SCN8A: variants seen among roughly 807,000 people sequenced by gnomAD.
The protein encoded by SCN8A is sodium channel protein type 8 subunit alpha.
A neutral mutation model predicts 184.1 loss-of-function variants in SCN8A; 30 were observed. That is an observed-to-expected ratio of 0.16 (90% CI 0.12 to 0.22). The LOEUF (loss-of-function observed/expected upper bound fraction) is 0.22, where lower values mean the gene tolerates loss of function less well. Among genes scored for constraint, SCN8A ranks in the 10% least tolerant of loss-of-function variants. The probability of loss-of-function intolerance (pLI) is 1.00; values close to 1 mark genes in which losing one functional copy is unlikely to be tolerated. For missense variants in SCN8A, 1,057 were observed against 2,498.9 expected, an observed-to-expected ratio of 0.42 and a Z score of 12.30; for synonymous variants, 852 against 907.0, an observed-to-expected ratio of 0.94 and a Z score of 1.09.
chr12:51,628,976 G>A (rs1006124900), intron 1 of SCN8A, among the ~76,000 whole-genome samples: 10 of 152,160 alleles, frequency 6.6e-5, no homozygotes, highest in South Asian at 4.1e-4. Context: ...GTTTCTGAAA[G>A]TCTGTCTGGT....
intron 6 of SCN8A, among the ~76,000 whole-genome samples, chr12:51,690,871 C>T (rs558061899): frequency 8.3e-4 from 127 of 152,218 alleles, no homozygotes; most frequent in African/African-American, 2.9e-3. Flanking sequence ...ATATTTTTAG[C>T]GATGGTAGCT....
chr12:51,652,587 T>G (rs374897877), intron 1 of SCN8A, among the ~76,000 whole-genome samples: 3 of 152,206 alleles, frequency 2.0e-5, no homozygotes, highest in African/African-American at 7.2e-5. Flanking sequence ...GAAATCCACT[T>G]ACACTGAACT....
chr12:51,606,407 A>C (rs142216711), intron 1 of SCN8A, among the ~76,000 whole-genome samples: 1 of 152,008 alleles, frequency 6.6e-6, no homozygotes, highest in African/African-American at 2.4e-5. Context: ...TAAGTATTTG[A>C]GTTTACTTCT....
rs373717395 is a variant in SCN8A at position 51,696,867 on chromosome 12, C to T, written c.707-2703C>T. 3.1e-4 allele frequency among the ~76,000 whole-genome samples: 46 copies of T among 150,686 alleles called. No individual in the cohort carries two copies. In the East Asian group the frequency reaches 7.0e-3, roughly 23 times the overall value. On this transcript the variant is annotated intron_variant, in intron 6 of 26. Coordinates refer to ENST00000627620, the MANE Select transcript of SCN8A (RefSeq NM_001330260.2). ...CCAATATAGTGAAACCCCATCTCTGCTAAAAAAAAAAAATACAAAATTTAG... is the reference window on the plus strand; with the variant it reads ...CCAATATAGTGAAACCCCATCTCTGTTAAAAAAAAAAAATACAAAATTTAG...
intron 5 of SCN8A, among the ~76,000 whole-genome samples, chr12:51,687,736 G>A (rs985561767): frequency 5.9e-5 from 9 of 152,114 alleles, no homozygotes; most frequent in African/African-American, 1.4e-4. Flanking sequence ...CCAGAATTTC[G>A]AACTATTGCT....
intron 12 of SCN8A, among the ~76,000 whole-genome samples, chr12:51,724,957 A>C (rs1592408591): frequency 6.6e-6 from 1 of 152,302 alleles, no homozygotes; most frequent in East Asian, 1.9e-4. Flanking sequence ...ACTGCTTTAC[A>C]CTGTGGTCTA....
At chr12:51,678,826 C>G (rs1460629196) in intron 2 of SCN8A, among the ~76,000 whole-genome samples, 1 of 152,148 alleles carries the variant, frequency 6.6e-6, no homozygotes, top group Non-Finnish European at 1.5e-5. Flanking sequence ...GCCTGTAATC[C>G]CAGCACTTTG....
intron 2 of SCN8A, among the ~76,000 whole-genome samples, chr12:51,679,748 C>T (rs1384759920): frequency 3.6e-5 from 3 of 82,314 alleles, no homozygotes; most frequent in Non-Finnish European, 6.3e-5. Flanking sequence ...TTTTTTGAGA[C>T]GGAGTCTCGC....
chr12:51,675,064 C>T (rs1277067019), intron 2 of SCN8A, among the ~76,000 whole-genome samples: 1 of 152,272 alleles, frequency 6.6e-6, no homozygotes, highest in Non-Finnish European at 1.5e-5. Flanking sequence ...CATAATAAGC[C>T]TGCATTTTGC....
At chr12:51,795,721 A>G (rs1413600673) in intron 26 of SCN8A, among the ~76,000 whole-genome samples, 1 of 152,208 alleles carries the variant, frequency 6.6e-6, no homozygotes, top group Non-Finnish European at 1.5e-5. Flanking sequence ...TTCACAGTGC[A>G]CATTACTGAA....
At chr12:51,747,127 G>A (rs1942524865) in intron 13 of SCN8A, among the ~76,000 whole-genome samples, 1 of 151,396 alleles carries the variant, frequency 6.6e-6, no homozygotes, top group Non-Finnish European at 1.5e-5. Flanking sequence ...GTGTGTGTGT[G>A]TGTGTTGGGG....
chr12:51,681,582 A>G (rs1187245568), intron 2 of SCN8A, among the ~76,000 whole-genome samples: 1 of 152,238 alleles, frequency 6.6e-6, no homozygotes, highest in Non-Finnish European at 1.5e-5. Context: ...GATATGTTTC[A>G]GATGAACCCT....
At chr12:51,771,869 A>G (rs948463521) in intron 19 of SCN8A, among the ~76,000 whole-genome samples, 5 of 152,226 alleles carry the variant, frequency 3.3e-5, no homozygotes, top group Non-Finnish European at 7.3e-5. Context: ...GCGTTTTATT[A>G]TTGCTGTCAT....
At chr12:51,792,669 A>G (rs59688644) in intron 25 of SCN8A, among the ~76,000 whole-genome samples, 4,140 of 152,130 alleles carry the variant, frequency 0.027, 177 homozygotes, top group African/African-American at 0.092. Flanking sequence ...CAGGTTAACA[A>G]ATAGGGATTG....
At chr12:51,604,517 G>A (rs1052301092) in intron 1 of SCN8A, among the ~76,000 whole-genome samples, 1 of 151,454 alleles carries the variant, frequency 6.6e-6, no homozygotes, top group Non-Finnish European at 1.5e-5. Context: ...TTTTTAACGG[G>A]TTTTTGTTTC....
At chr12:51,801,949 G>A (rs536318264) in intron 26 of SCN8A, among the ~76,000 whole-genome samples, 9 of 152,232 alleles carry the variant, frequency 5.9e-5, no homozygotes, top group South Asian at 2.1e-4. Context: ...CAGCTACTCC[G>A]GAGGCTGAGG....
chr12:51,600,998 G>A (rs971755842), intron 1 of SCN8A, among the ~76,000 whole-genome samples: 1 of 152,082 alleles, frequency 6.6e-6, no homozygotes, highest in African/African-American at 2.4e-5. Context: ...TCTATTTAGG[G>A]TATTACCCAA....
chr12:51,691,438 A>T (rs1438100450), intron 6 of SCN8A, among the ~76,000 whole-genome samples: 1 of 150,390 alleles, frequency 6.6e-6, no homozygotes, highest in Non-Finnish European at 1.5e-5. Flanking sequence ...TTTATCCTTT[A>T]TATATATATA....
At chr12:51,611,927 A>G (rs1939729181) in intron 1 of SCN8A, among the ~76,000 whole-genome samples, 1 of 152,114 alleles carries the variant, frequency 6.6e-6, no homozygotes, top group South Asian at 2.1e-4. Flanking sequence ...GCTTTATTAT[A>G]GGTTTCTTGG....
Sources: allele counts gnomAD v4.1 joint callset (sites outside exome capture counted in the v4.1 genomes callset), GRCh38; gene constraint gnomAD v4.1.1; transcripts MANE v1.5; gene names NCBI Gene and HGNC (gene_info 2026-07-23, HGNC 2026-07-21).